Variants in PPP1R12A observed in about 807,000 individuals in gnomAD.
PPP1R12A encodes the protein myosin binding subunit.
PPP1R12A carries 19 observed loss-of-function variants against 139.6 expected under a neutral mutation model. The ratio of observed to expected loss-of-function variants is 0.14; its 90% CI spans 0.09 to 0.20. The LOEUF (loss-of-function observed/expected upper bound fraction) is 0.20. Among genes scored for constraint, PPP1R12A ranks in the 10% least tolerant of loss-of-function variants. The probability of loss-of-function intolerance (pLI) is 1.00; values close to 1 mark genes in which losing one functional copy is unlikely to be tolerated. For missense variants in PPP1R12A, 925 were observed against 1,211.5 expected (o/e 0.76, Z 3.51); for synonymous variants, 427 against 420.6 (o/e 1.02, Z -0.19).
At chr12:79,891,342 G>A (rs1565800721) in intron 1 of PPP1R12A, among the ~76,000 whole-genome samples, 1 of 152,084 alleles carries the variant, frequency 6.6e-6, no homozygotes, top group Non-Finnish European at 1.5e-5. Context: ...GGAAACAGGA[G>A]TTAATACTTC....
At chr12:79,846,333 A>G (rs1191166498) in intron 2 of PPP1R12A, among the ~76,000 whole-genome samples, 1 of 152,218 alleles carries the variant, frequency 6.6e-6, no homozygotes, top group East Asian at 1.9e-4. Context: ...CAGATACAAA[A>G]AGGTTATTTA....
chr12:79,934,101 CCT>C (rs1474094903), intron 1 of PPP1R12A, among the ~76,000 whole-genome samples: 1 of 152,116 alleles, frequency 6.6e-6, no homozygotes, highest in South Asian at 2.1e-4. Context: ...CTAATTACAC[CCT>C]GTTTTCCCCT....
In PPP1R12A at chr12:79,809,807, A is replaced by T; in HGVS notation, c.1443T>A (p.Asp481Glu). The change falls in exon 10 of 25, where the codon GAT becomes GAA. Residue 481 changes from aspartate (D) to glutamate (E), a missense_variant. This residue lies in a region of PPP1R12A where 403 missense variants were observed against 463.7 expected (regional missense o/e 0.87). Transcript: ENST00000450142. ...ASSPRLSSSL[D>E]NKEKEKDSKG... Reference sequence around the variant, plus strand: ...TGAAATAGATTACCTTTTCTTTATTATCCAAAGAGGAGGAAAGTCTGGGAC... The same window carrying T: ...TGAAATAGATTACCTTTTCTTTATTTTCCAAAGAGGAGGAAAGTCTGGGAC... The T allele has an allele frequency of 6.2e-7, 1 of 1,611,068 alleles. No individual in the cohort carries two copies. The highest frequency in any genetic ancestry group is 1.3e-5 in the African/African-American group (1 of 75,008).
chr12:79,842,329 C>T (rs1209662628), intron 3 of PPP1R12A, among the ~76,000 whole-genome samples: 1 of 152,080 alleles, frequency 6.6e-6, no homozygotes, highest in Non-Finnish European at 1.5e-5. Flanking sequence ...CAAAACAAAC[C>T]CGCAGTCATT....
chr12:79,848,062 T>G (rs1290927900), intron 2 of PPP1R12A, among the ~76,000 whole-genome samples: 2 of 152,206 alleles, frequency 1.3e-5, no homozygotes, highest in East Asian at 3.8e-4. Flanking sequence ...GTTCTGGACA[T>G]GTGTATCTGA....
chr12:79,904,087 C>T (rs1400718541), intron 1 of PPP1R12A, among the ~76,000 whole-genome samples: 1 of 151,840 alleles, frequency 6.6e-6, no homozygotes, highest in Non-Finnish European at 1.5e-5. Flanking sequence ...TGGTGATGGG[C>T]ACCTGTAATC....
intron 1 of PPP1R12A, among the ~76,000 whole-genome samples, chr12:79,930,113 A>G (rs1281368367): frequency 2.0e-5 from 3 of 152,216 alleles, no homozygotes; most frequent in African/African-American, 7.2e-5. Flanking sequence ...ATTGCAGGAG[A>G]GGCAGAATAT....
chr12:79,827,030 T>G (rs1312985072), intron 5 of PPP1R12A, among the ~76,000 whole-genome samples: 1 of 152,196 alleles, frequency 6.6e-6, no homozygotes, highest in African/African-American at 2.4e-5. Context: ...AAGGGGAATT[T>G]CTACATGAAA....
intron 22 of PPP1R12A, among the ~76,000 whole-genome samples, chr12:79,785,020 G>A (rs962817093): frequency 2.0e-5 from 3 of 152,050 alleles, no homozygotes; most frequent in East Asian, 1.9e-4. Context: ...ATATTTTTAT[G>A]TATACAGGCT....
intron 24 of PPP1R12A, chr12:79,777,131 A>G (rs1414151075): frequency 3.3e-6 from 3 of 903,916 alleles, no homozygotes; most frequent in African/African-American, 1.8e-5. Flanking sequence ...AACATAATGC[A>G]TGCTTAATCT....
chr12:79,793,777 G>C, intron 19 of PPP1R12A, 86 bp downstream of exon 19: 2 of 1,045,072 alleles, frequency 1.9e-6, no homozygotes, highest in Admixed American at 4.8e-5. Flanking sequence ...TAACTGCTTT[G>C]CATGAATAAA....
chr12:79,846,407 C>T (rs1879397316), intron 2 of PPP1R12A, among the ~76,000 whole-genome samples: 1 of 151,540 alleles, frequency 6.6e-6, no homozygotes, highest in Non-Finnish European at 1.5e-5. Flanking sequence ...AACTAACCAT[C>T]TATTACCCAA....
Position 79,798,474 on chromosome 12 carries a change from A to G in PPP1R12A, c.2091+20T>C, listed in dbSNP as rs1320404607. The stretch of plus-strand genomic sequence containing the variant: ...TATGCTACTTATGTAAGTTTTATAT[A>G]TTAATTACATTAACTATACCTGTGT... On this transcript the variant is annotated intron_variant, in intron 15 of 24. Coordinates refer to ENST00000450142, the MANE Select transcript of PPP1R12A (RefSeq NM_002480.3). The G allele has an allele frequency of 6.9e-7, 1 of 1,445,164 alleles. No homozygotes were observed. The highest frequency in any genetic ancestry group is 9.4e-7 in the Non-Finnish European group (1 of 1,060,370). 89.5% of individuals were successfully genotyped at this position (1,445,164 alleles called of 1,614,324 possible).
At chr12:79,810,045 G>A in intron 9 of PPP1R12A, 35 bp from the exon 10 acceptor site, 1 of 1,498,908 alleles carries the variant, frequency 6.7e-7, no homozygotes, top group Non-Finnish European at 9.1e-7. Flanking sequence ...AAAGAAAAAA[G>A]AATTTGTAAA....
chr12:79,843,393 C>T (rs992530565), intron 3 of PPP1R12A, among the ~76,000 whole-genome samples: 39 of 151,782 alleles, frequency 2.6e-4, no homozygotes, highest in African/African-American at 7.2e-4. Context: ...CTGGCCAACA[C>T]GGTAAAACCC....
At chr12:79,873,667 A>C (rs1242722987) in intron 1 of PPP1R12A, among the ~76,000 whole-genome samples, 1 of 152,100 alleles carries the variant, frequency 6.6e-6, no homozygotes, top group East Asian at 1.9e-4. Context: ...CTGTCTCCAA[A>C]AAAAGTGGTG....
intron 1 of PPP1R12A, among the ~76,000 whole-genome samples, chr12:79,928,554 G>A (rs1888019343): frequency 6.6e-6 from 1 of 152,206 alleles, no homozygotes; most frequent in African/African-American, 2.4e-5. Flanking sequence ...AGAAAACTAT[G>A]CAGAGAAATA....
intron 2 of PPP1R12A, among the ~76,000 whole-genome samples, chr12:79,862,203 C>T (rs1256876829): frequency 6.6e-6 from 1 of 152,182 alleles, no homozygotes; most frequent in Non-Finnish European, 1.5e-5. Context: ...CTCCAGCAAA[C>T]TCCAACAGAC....
At chr12:79,835,146 A>G (rs1877913759) in intron 3 of PPP1R12A, among the ~76,000 whole-genome samples, 1 of 152,078 alleles carries the variant, frequency 6.6e-6, no homozygotes, top group Non-Finnish European at 1.5e-5. Flanking sequence ...GGAGGAGGAT[A>G]CCTTTTTTCC....
Sources: gnomAD v4.1 joint callset for allele counts (sites outside exome capture counted in the v4.1 genomes callset) on GRCh38, gnomAD v4.1.1 for gene constraint, gnomAD v4.1.1 regional missense constraint, MANE v1.5 for transcripts, NCBI Gene and HGNC (gene_info 2026-07-23, HGNC 2026-07-21) for gene names.